Variants in MAP3K1 observed in about 807,000 individuals in gnomAD.
MAP3K1 encodes mitogen-activated protein kinase kinase kinase 1.
A neutral mutation model predicts 144.2 loss-of-function variants in MAP3K1; 36 were observed. The observed-to-expected ratio is 0.25, with a 90% CI of 0.19 to 0.33. MAP3K1 has a LOEUF of 0.33. MAP3K1 is among the 10% of genes least tolerant of loss of function. The pLI, the probability that MAP3K1 is intolerant of heterozygous loss-of-function variation, is 1.00. For synonymous variants in MAP3K1, 718 were observed against 688.7 expected, an observed-to-expected ratio of 1.04 and a Z score of -0.67; for missense variants, 1,650 against 1,881.9, an observed-to-expected ratio of 0.88 and a Z score of 2.28.
intron 1 of MAP3K1, among the ~76,000 whole-genome samples, chr5:56,840,870 GTT>G (rs5868031): frequency 1.3e-4 from 18 of 138,302 alleles, no homozygotes; most frequent in Admixed American, 3.6e-4. Flanking sequence ...AATTGTTAAG[GTT>G]TTTTTTTTTT....
intron 10 of MAP3K1, among the ~76,000 whole-genome samples, chr5:56,875,615 G>C (rs1012691808): frequency 6.6e-6 from 1 of 152,124 alleles, no homozygotes; most frequent in South Asian, 2.1e-4. Context: ...GTTTGGGCCA[G>C]TAAAGCTCCT....
At chr5:56,845,932 T>G (rs1285463044) in intron 1 of MAP3K1, among the ~76,000 whole-genome samples, 2 of 152,236 alleles carry the variant, frequency 1.3e-5, no homozygotes, top group African/African-American at 4.8e-5. Context: ...GCCTGATGGA[T>G]GTTCTGAGTT....
chr5:56,862,135 C>T (rs1310102487), intron 3 of MAP3K1: 1 of 152,178 alleles, frequency 6.6e-6, no homozygotes, highest in Non-Finnish European at 1.5e-5. Context: ...GTGACATTCT[C>T]TGAAGATGAA....
Position 56,872,738 on chromosome 5 carries a change from T to G in MAP3K1, c.1505+16T>G, listed in dbSNP as rs1192006520. On this transcript the variant is annotated intron_variant, in intron 8 of 19. Transcript: ENST00000399503. ...ATTTCTACAGGTAATAATTTTGAAA[T>G]GATACGGATATGTTTAATTTTTAAA... 6.3e-7 allele frequency: 1 copy of G among 1,594,280 alleles called. No individual in the cohort carries two copies. Among genetic ancestry groups the G allele is most frequent in the Admixed American group, 1.7e-5 (1 of 59,990 alleles).
intron 1 of MAP3K1, among the ~76,000 whole-genome samples, chr5:56,833,805 G>A (rs1287836298): frequency 1.3e-5 from 2 of 151,896 alleles, no homozygotes; most frequent in Admixed American, 1.3e-4. Flanking sequence ...GATATCTAAG[G>A]CCAGCATCTA....
intron 3 of MAP3K1, among the ~76,000 whole-genome samples, chr5:56,863,074 A>G (rs941382717): frequency 6.6e-6 from 1 of 152,224 alleles, no homozygotes; most frequent in Non-Finnish European, 1.5e-5. Flanking sequence ...TATTTGTTAT[A>G]TAACTAGGGA....
intron 19 of MAP3K1, 115 bp from the exon 20 acceptor site, chr5:56,893,416 T>C (rs1748607383): frequency 8.9e-7 from 1 of 1,120,892 alleles, no homozygotes; most frequent in South Asian, 1.3e-5. Context: ...CCACTTCTGC[T>C]TCAGTTCCTC....
intron 19 of MAP3K1, among the ~76,000 whole-genome samples, chr5:56,893,309 C>G (rs991340099): frequency 1.3e-5 from 2 of 152,180 alleles, no homozygotes; most frequent in African/African-American, 4.8e-5. Context: ...TATATTTGAT[C>G]AAATCCTAAA....
intron 2 of MAP3K1, among the ~76,000 whole-genome samples, chr5:56,858,410 A>G (rs1747403106): frequency 1.3e-5 from 2 of 152,344 alleles, no homozygotes; most frequent in Admixed American, 6.5e-5. Flanking sequence ...TTGTCTGTAT[A>G]TAAGACATGA....
intron 6 of MAP3K1, 123 bp from the exon 7 acceptor site, chr5:56,871,787 T>A: frequency 1.2e-6 from 1 of 802,732 alleles, no homozygotes; most frequent in East Asian, 2.7e-5. Flanking sequence ...CTCTTAGTTA[T>A]ATAAGATGCT....
chr5:56,825,856 C>G (rs1307076607), intron 1 of MAP3K1, among the ~76,000 whole-genome samples: 1 of 152,160 alleles, frequency 6.6e-6, no homozygotes, highest in Non-Finnish European at 1.5e-5. Flanking sequence ...TAATGCAGTT[C>G]AGAAACCCTT....
At chr5:56,881,021 T>C in intron 12 of MAP3K1, 62 bp from the exon 13 acceptor site, 1 of 1,381,278 alleles carries the variant, frequency 7.2e-7, no homozygotes, top group Non-Finnish European at 1.0e-6. Flanking sequence ...TTTAATCATG[T>C]CTTGTTTTAG....
At chr5:56,859,215 A>G (rs1189091522) in intron 2 of MAP3K1, among the ~76,000 whole-genome samples, 1 of 148,352 alleles carries the variant, frequency 6.7e-6, no homozygotes. Context: ...CACACAAAGC[A>G]GGGAAAATGA....
intron 6 of MAP3K1, among the ~76,000 whole-genome samples, chr5:56,870,122 A>G (rs1747807115): frequency 6.6e-6 from 1 of 152,186 alleles, no homozygotes; most frequent in Non-Finnish European, 1.5e-5. Context: ...GCAAAATTAG[A>G]ATTAAAAAAA....
intron 19 of MAP3K1, among the ~76,000 whole-genome samples, chr5:56,889,283 C>T (rs566113486): frequency 6.6e-6 from 1 of 150,630 alleles, no homozygotes; most frequent in African/African-American, 2.4e-5. Context: ...GTTCTCCTGC[C>T]TCAGCCTCCC....
intron 1 of MAP3K1, among the ~76,000 whole-genome samples, chr5:56,817,841 T>TA (rs143976623): frequency 1.2e-3 from 180 of 152,304 alleles, no homozygotes; most frequent in Non-Finnish European, 2.0e-3. Context: ...GCATCCACTG[T>TA]AAAAATAATG....
intron 1 of MAP3K1, among the ~76,000 whole-genome samples, chr5:56,852,286 A>G (rs1246820422): frequency 6.6e-6 from 1 of 152,212 alleles, no homozygotes; most frequent in Non-Finnish European, 1.5e-5. Flanking sequence ...GAGACCTACA[A>G]GAGAGTTAGC....
At chr5:56,847,047 C>G (rs1366219449) in intron 1 of MAP3K1, among the ~76,000 whole-genome samples, 1 of 152,216 alleles carries the variant, frequency 6.6e-6, no homozygotes, top group Non-Finnish European at 1.5e-5. Flanking sequence ...CAAGCTTTTA[C>G]ACTACTGCCT....
At chr5:56,819,055 A>C (rs998143084) in intron 1 of MAP3K1, among the ~76,000 whole-genome samples, 1 of 152,214 alleles carries the variant, frequency 6.6e-6, no homozygotes, top group Non-Finnish European at 1.5e-5. Flanking sequence ...TGAATTTGTA[A>C]GTTTTTAGTT....
Sources: allele counts gnomAD v4.1 joint callset (sites outside exome capture counted in the v4.1 genomes callset), GRCh38; gene constraint gnomAD v4.1.1; transcripts MANE v1.5; gene names NCBI Gene and HGNC (gene_info 2026-07-23, HGNC 2026-07-21).